The following TEPSIN variants were observed in gnomAD, a reference collection of about 807,000 sequenced individuals.
TEPSIN encodes TEPSIN adaptor related protein complex 4 accessory protein, also known as AP-4 complex accessory subunit tepsin.
TEPSIN carries 50 observed loss-of-function variants against 48.5 expected under a neutral mutation model. The observed-to-expected ratio is 1.03, with a 90% confidence interval of 0.82 to 1.31. TEPSIN has a LOEUF of 1.31. TEPSIN is among the 50% of genes most tolerant of loss of function. TEPSIN has a pLI of 0.00. For missense variants in TEPSIN, 838 were observed against 815.9 expected, an observed-to-expected ratio of 1.03 and a Z score of -0.33; for synonymous variants, 392 against 358.8, an observed-to-expected ratio of 1.09 and a Z score of -1.05.
chr17:81,233,137 C>T lies in TEPSIN; in HGVS notation c.526+295G>A. ...GTCACCTGCACCACAGCCAGGGGCA[C>T]AGCCCTCGGCCCCTCTCAGAGTGGG... On this transcript the variant is annotated intron_variant, in intron 7 of 12. Coordinates refer to ENST00000637944, the MANE Select transcript of TEPSIN (RefSeq NM_001363764.2). This position sits in a 1 kb window ranked among gnomAD's most constrained non-coding sequence, Gnocchi z 5.8. 4.0e-6 allele frequency: 2 copies of T among 505,804 alleles called. No homozygotes were observed. Among genetic ancestry groups the T allele is most frequent in the South Asian group, 2.6e-5 (1 of 38,766 alleles). 31.3% of individuals were successfully genotyped at this position (505,804 alleles called of 1,614,324 possible). A position where few individuals can be genotyped will look rare whatever the true frequency, so the allele number is the denominator to read the frequency against.
rs752725559 is a variant in TEPSIN at position 81,232,427 on chromosome 17, G to A, written c.618C>T (p.Thr206=). The change falls in exon 8 of 13, where the codon ACC becomes ACT. Residue 206 remains threonine (T), a synonymous_variant. Transcript: ENST00000637944. ...AMRPGPESPS[T]RRLLPRGDTY... is the part of the protein sequence containing the mutation. ...TGTCACCCCGCGGCAGGAGCCTCCGGGTACTGGGACTCTCGGGCCCGGGGC... is the reference window on the plus strand; with the variant it reads ...TGTCACCCCGCGGCAGGAGCCTCCGAGTACTGGGACTCTCGGGCCCGGGGC... 1.3e-6 allele frequency: 2 copies of A among 1,535,848 alleles called. No individual in the cohort carries two copies. Among genetic ancestry groups the A allele is most frequent in the South Asian group, 2.4e-5 (2 of 84,044 alleles).
rs998935223 is a variant in TEPSIN at position 81,234,658 on chromosome 17, C to T, written c.308-610G>A. The stretch of plus-strand genomic sequence containing the variant: ...GGCGAATCCACTCACGCCCCTCGGC[C>T]GTCTACCTCCACCCTGGCAGGCTGG... On this transcript the variant is annotated intron_variant, in intron 4 of 12. Transcript: ENST00000637944. The surrounding 1 kb of genome is among the most constrained non-coding windows in gnomAD (Gnocchi z 5.4). Among the ~76,000 whole-genome samples the T allele has an allele frequency of 9.2e-5, 14 of 152,058 alleles. No individual in the cohort carries two copies. Among genetic ancestry groups the T allele is most frequent in the Admixed American group, 7.2e-4 (11 of 15,276 alleles).
In TEPSIN at chr17:81,233,325, G is replaced by T. The variant is rs896376697; in HGVS notation, c.526+107C>A. The stretch of plus-strand genomic sequence containing the variant: ...AAGGGTTGAGGCCATGTAGGGGAGG[G>T]GACGGGGGACAGCAGCTACTAGATG... On this transcript the variant is annotated intron_variant, in intron 7 of 12. Transcript: ENST00000637944. This position sits in a 1 kb window ranked among gnomAD's most constrained non-coding sequence, Gnocchi z 5.8. 5.3e-6 allele frequency: 7 copies of T among 1,329,134 alleles called. No homozygotes were observed. The African/African-American group carries it at 7.3e-5, about 14-fold the overall frequency. 82.3% of individuals were successfully genotyped at this position (1,329,134 alleles called of 1,614,324 possible). A position where few individuals can be genotyped will look rare whatever the true frequency, so the allele number is the denominator to read the frequency against.
intron 7 of TEPSIN, 48 bp from the exon 8 acceptor site, chr17:81,232,566 AC>A: frequency 2.7e-6 from 4 of 1,486,964 alleles, no homozygotes; most frequent in Admixed American, 2.1e-5. Flanking sequence ...TGCGGCCCCC[AC>A]CCGCGTTCTC....
chr17:81,232,437 C>A lies in TEPSIN; in HGVS notation c.608G>T (p.Ser203Ile), dbSNP rs572927060. The A allele has an allele frequency of 4.8e-5, 73 of 1,535,750 alleles. No individual in the cohort carries two copies. In the South Asian group the frequency reaches 8.0e-4, roughly 17 times the overall value. ...VASAMRPGPE[S>I]PSTRRLLPRG... Reference sequence around the variant, plus strand: ...CGGCAGGAGCCTCCGGGTACTGGGACTCTCGGGCCCGGGGCGCATGGCGCT... The same window carrying A: ...CGGCAGGAGCCTCCGGGTACTGGGAATCTCGGGCCCGGGGCGCATGGCGCT... The change falls in exon 8 of 13, where the codon AGT becomes ATT. Residue 203 changes from serine (S) to isoleucine (I), a missense_variant. Coordinates refer to ENST00000637944, the MANE Select transcript of TEPSIN (RefSeq NM_001363764.2).
At position 81,228,688 on chromosome 17, in the gene TEPSIN, C is replaced by T. The variant is rs1259241086; in HGVS notation, c.*240G>A. The T allele has an allele frequency of 6.9e-6, 4 of 582,980 alleles. No homozygotes were observed. The highest frequency in any genetic ancestry group is 2.2e-5 in the South Asian group (1 of 45,088). 36.1% of individuals were successfully genotyped at this position (582,980 alleles called of 1,614,324 possible). A position where few individuals can be genotyped will look rare whatever the true frequency, so the allele number is the denominator to read the frequency against. On this transcript the variant is annotated 3_prime_UTR_variant, in exon 13 of 13. Transcript: ENST00000637944. ...AGAGCAAGACAGGCAGGGACTGCCCCCTGAGAGCCCTGAGATCGACATTTC... is the reference window on the plus strand; with the variant it reads ...AGAGCAAGACAGGCAGGGACTGCCCTCTGAGAGCCCTGAGATCGACATTTC...
In TEPSIN at chr17:81,230,790, C is replaced by G; in HGVS notation, c.1099-112G>C. The G allele has an allele frequency of 7.5e-7, 1 of 1,338,658 alleles. No homozygotes were observed. Among genetic ancestry groups the G allele is most frequent in the East Asian group, 2.7e-5 (1 of 37,266 alleles). The allele number at this position is 1,338,658 out of a possible 1,614,324, so 82.9% of individuals were successfully genotyped here. ...TTCCTCCTCATCAATGACTGGAGTG[C>G]CAGGAGGCCCCAGAGACAGCTCCAC... On this transcript the variant is annotated intron_variant, in intron 11 of 12. Coordinates refer to ENST00000637944, the MANE Select transcript of TEPSIN (RefSeq NM_001363764.2). This position sits in a 1 kb window ranked among gnomAD's most constrained non-coding sequence, Gnocchi z 4.2.
chr17:81,236,991 C>T lies in TEPSIN; in HGVS notation c.202G>A (p.Gly68Arg), dbSNP rs577469958. The T allele has an allele frequency of 3.7e-5, 59 of 1,583,116 alleles. No homozygotes were observed. The East Asian group carries it at 1.0e-3, about 28-fold the overall frequency. ...ACCCAGGGGCTCACCTTGAGCTTCCCGTGGCCGGAGCTGCTGTGCAGGCGG... is the reference window on the plus strand; with the variant it reads ...ACCCAGGGGCTCACCTTGAGCTTCCTGTGGCCGGAGCTGCTGTGCAGGCGG... The part of the protein sequence containing the change: ...LSRLHSSSGH[G>R]KLKVLKILLY... Residue 68 changes from glycine to arginine, a missense_variant, in exon 3 of 13, where the codon GGG (glycine) becomes AGG (arginine). Coordinates refer to ENST00000637944, the MANE Select transcript of TEPSIN (RefSeq NM_001363764.2).
Position 81,234,126 on chromosome 17 carries a change from C to A in TEPSIN, c.308-78G>T. The A allele has an allele frequency of 7.4e-7, 1 of 1,347,596 alleles. No individual in the cohort carries two copies. Among genetic ancestry groups the A allele is most frequent in the East Asian group, 2.7e-5 (1 of 37,398 alleles). 83.5% of individuals were successfully genotyped at this position (1,347,596 alleles called of 1,614,324 possible). Reference sequence around the variant, plus strand: ...TCCCTGTGGAGCACGGTGCCCTGGGCCCACTCCAGGGTGGCAAGTTCCTGC... The same window carrying A: ...TCCCTGTGGAGCACGGTGCCCTGGGACCACTCCAGGGTGGCAAGTTCCTGC... On this transcript the variant is annotated intron_variant, in intron 4 of 12. Transcript: ENST00000637944. The surrounding 1 kb of genome is among the most constrained non-coding windows in gnomAD (Gnocchi z 5.4).
intron 1 of TEPSIN, chr17:81,238,728 C>T: frequency 8.0e-7 from 1 of 1,252,654 alleles, no homozygotes; most frequent in Non-Finnish European, 1.0e-6. Flanking sequence ...CTGGCCGAGG[C>T]CTGTTCGTTC....
chr17:81,230,711 T>C lies in TEPSIN; in HGVS notation c.1099-33A>G, dbSNP rs753753608. ...TGAAGGGAGGGGACATCAGCACCCATGGGGCAGCAGGTCCACGCCAGGGAG... is the reference window on the plus strand; with the variant it reads ...TGAAGGGAGGGGACATCAGCACCCACGGGGCAGCAGGTCCACGCCAGGGAG... On this transcript the variant is annotated intron_variant, in intron 11 of 12. Transcript: ENST00000637944. This position sits in a 1 kb window ranked among gnomAD's most constrained non-coding sequence, Gnocchi z 4.2. 7.4e-6 allele frequency: 11 copies of C among 1,494,592 alleles called. No homozygotes were observed. The Middle Eastern group carries it at 9.0e-4, about 122-fold the overall frequency. The allele number at this position is 1,494,592 out of a possible 1,614,324, so 92.6% of individuals were successfully genotyped here.
chr17:81,237,326 C>T (rs1312511460), intron 2 of TEPSIN, 61 bp downstream of exon 2: 2 of 1,557,946 alleles, frequency 1.3e-6, no homozygotes, highest in African/African-American at 1.3e-5. Context: ...GAACCCTTTG[C>T]ACCACTCTGG....
At chr17:81,231,077 A>G (rs917233966) in intron 11 of TEPSIN, 61 of 516,852 alleles carry the variant, frequency 1.2e-4, no homozygotes, top group Middle Eastern at 5.0e-4. Context: ...TTTCATGTGC[A>G]TGCACACACA....
At position 81,235,367 on chromosome 17, in the gene TEPSIN, G is replaced by A. The variant is rs555508897; in HGVS notation, c.308-1319C>T. Among the ~76,000 whole-genome samples, 25 of 152,246 alleles carry A rather than the reference G, an allele frequency of 1.6e-4. No individual in the cohort carries two copies. The South Asian group carries it at 2.7e-3, about 16-fold the overall frequency. Reference sequence around the variant, plus strand: ...GCACACCCACCACCTGGAGCAGGGCGCCCCGTCTCTCACGTGTGGCATCTG... The same window carrying A: ...GCACACCCACCACCTGGAGCAGGGCACCCCGTCTCTCACGTGTGGCATCTG... On this transcript the variant is annotated intron_variant, in intron 4 of 12. Transcript: ENST00000637944.
chr17:81,234,170 A>G lies in TEPSIN; in HGVS notation c.308-122T>C. 2.5e-6 allele frequency: 2 copies of G among 803,330 alleles called. No individual in the cohort carries two copies. Among genetic ancestry groups the G allele is most frequent in the South Asian group, 4.1e-5 (2 of 48,204 alleles). 49.8% of individuals were successfully genotyped at this position (803,330 alleles called of 1,614,324 possible). ...TTCCTGCCACCAAGGCCCTTCTGTC[A>G]CAGCCAATGGGATGCCCTCCTCCAG... On this transcript the variant is annotated intron_variant, in intron 4 of 12. Coordinates refer to ENST00000637944, the MANE Select transcript of TEPSIN (RefSeq NM_001363764.2). This position sits in a 1 kb window ranked among gnomAD's most constrained non-coding sequence, Gnocchi z 5.4.
chr17:81,237,055 AGACTC>A lies in TEPSIN; in HGVS notation c.133_137del (p.Glu45SerfsTer168). 1 of 1,594,530 alleles carries A rather than the reference AGACTC, an allele frequency of 6.3e-7. No homozygotes were observed. The highest frequency in any genetic ancestry group is 1.3e-5 in the African/African-American group (1 of 74,712). ...CCAGCAGGCACTGGCTGCTGCCCGG[AGACTC>A]GTGGGAGATTTCTGCGGCACGCTCG... On this transcript the variant is annotated frameshift_variant, in exon 3 of 13. Transcript: ENST00000637944. LOFTEE classifies it high-confidence loss of function.
intron 4 of TEPSIN, among the ~76,000 whole-genome samples, chr17:81,236,212 G>A (rs532891922): frequency 1.3e-5 from 2 of 152,216 alleles, no homozygotes; most frequent in Non-Finnish European, 2.9e-5. Flanking sequence ...CCGACTGGCC[G>A]GGGCCCCGCC....
chr17:81,238,525 C>T, intron 1 of TEPSIN: 1 of 782,580 alleles, frequency 1.3e-6, no homozygotes, highest in Non-Finnish European at 1.6e-6. Context: ...ATGGTGCGTC[C>T]TTCTCTGTCC....
rs1598347753 is a variant in TEPSIN, at chr17:81,230,374, T to G, written c.1233+170A>C. ...GGAAGGCGGGAAGGCAATGGGGAGG[T>G]GAGGACCCTGACTTGCTGCTGCTCC... On this transcript the variant is annotated intron_variant, in intron 12 of 12. Transcript: ENST00000637944. This position sits in a 1 kb window ranked among gnomAD's most constrained non-coding sequence, Gnocchi z 4.2. The G allele has an allele frequency of 1.2e-6, 1 of 864,356 alleles. No individual in the cohort carries two copies. The highest frequency in any genetic ancestry group is 1.7e-5 in the South Asian group (1 of 58,142). The allele number at this position is 864,356 out of a possible 1,614,324, so 53.5% of individuals were successfully genotyped here.
Sources: gnomAD v4.1 joint callset for allele counts (sites outside exome capture counted in the v4.1 genomes callset) on GRCh38, gnomAD v4.1.1 for gene constraint, Gnocchi (gnomAD v3.1) non-coding constraint, MANE v1.5 for transcripts, NCBI Gene and HGNC (gene_info 2026-07-23, HGNC 2026-07-21) for gene names.